The following PIK3R6 variants were observed in gnomAD, a reference collection of about 807,000 sequenced individuals.
PIK3R6 encodes the protein phosphoinositide 3-kinase regulatory subunit 6.
Under a neutral mutation model 84.9 loss-of-function variants are expected in PIK3R6, and 91 were observed. That is an observed-to-expected ratio of 1.07 (90% CI 0.90 to 1.28). The LOEUF (loss-of-function observed/expected upper bound fraction) is 1.28. Ranked by LOEUF, PIK3R6 falls within the 50% of genes most tolerant of loss-of-function variation. The pLI is 0.00. For missense variants in PIK3R6, 996 were observed against 985.1 expected (o/e 1.01, Z -0.15); for synonymous variants, 416 against 411.4 (o/e 1.01, Z -0.13).
chr17:8,864,279 C>T (rs534190997), intron 1 of PIK3R6, among the ~76,000 whole-genome samples: 1 of 152,232 alleles, frequency 6.6e-6, no homozygotes, highest in East Asian at 1.9e-4. Flanking sequence ...GGTTCCTGGG[C>T]TATGATGCAA....
At chr17:8,838,764 C>G (rs1002729924) in intron 3 of PIK3R6, 109 bp from the exon 4 acceptor site, 1 of 1,071,468 alleles carries the variant, frequency 9.3e-7, no homozygotes, top group Admixed American at 2.4e-5. Flanking sequence ...CTCTGACCAG[C>G]CACGGGTGTG....
Position 8,863,565 on chromosome 17 carries a change from C to T in PIK3R6, c.-92+3964G>A, listed in dbSNP as rs142186846. Among the ~76,000 whole-genome samples the T allele has an allele frequency of 6.9e-3, 1,051 of 152,022 alleles. 59 individuals carry two copies. The highest frequency in any genetic ancestry group is 0.064 in the Admixed American group (973 of 15,264). ...TGTGTTTTTTTTTGAGACAGAGTTT[C>T]GCTCTGTCACCTAGGCTGGAGTGCA... On this transcript the variant is annotated intron_variant, in intron 1 of 19. Coordinates refer to ENST00000619866, the MANE Select transcript of PIK3R6 (RefSeq NM_001010855.4).
At chr17:8,815,239 C>A (rs1233454422) in intron 18 of PIK3R6, among the ~76,000 whole-genome samples, 6 of 152,086 alleles carry the variant, frequency 3.9e-5, no homozygotes, top group Admixed American at 1.3e-4. Flanking sequence ...AAAAGTTGAT[C>A]ATTCACTCCT....
rs2087776792 is a variant in PIK3R6 at position 8,822,602 on chromosome 17, G to A, written c.1773C>T (p.Ser591=). 2 of 1,613,886 alleles carry A rather than the reference G, an allele frequency of 1.2e-6. No homozygotes were observed. Among genetic ancestry groups the A allele is most frequent in the Admixed American group, 1.7e-5 (1 of 60,006 alleles). The change falls in exon 16 of 20, where the codon TCC becomes TCT. Residue 591 remains serine, a synonymous_variant. Transcript: ENST00000619866. The part of the protein sequence containing the change: ...GVAEGPGAEL[S]LCYQKALLSH... ...GCACACTGACCTTCTGGTAGCATAG[G>A]GAGAGCTCTGCCCCTGGGCCCTCAG...
In PIK3R6 at chr17:8,838,558, A is replaced by G. The variant is rs144468168; in HGVS notation, c.189+6T>C. On this transcript the variant is annotated splice_donor_region_variant and intron_variant, in intron 4 of 19. Transcript: ENST00000619866. ...CCGTCTTCCTCCCTGAGGTCCAGGA[A>G]CTCACCTTCTCCAGTTCTCTGAGAA... 3.9e-4 allele frequency: 626 copies of G among 1,592,036 alleles called. 2 individuals carry two copies. The African/African-American group carries it at 7.6e-3, about 19-fold the overall frequency.
At chr17:8,838,240 G>A in intron 4 of PIK3R6, 2 of 435,966 alleles carry the variant, frequency 4.6e-6, no homozygotes, top group Non-Finnish European at 8.3e-6. Flanking sequence ...GAATTTAGGT[G>A]GCCCGAGGAT....
In PIK3R6 at chr17:8,848,022, G is replaced by C. The variant is rs532433096; in HGVS notation, c.13+1760C>G. ...AGCTTCAGCCTTGGTGTGGGCACAGGACCAAGCTGCCCAAGGACTGATACT... is the reference window on the plus strand; with the variant it reads ...AGCTTCAGCCTTGGTGTGGGCACAGCACCAAGCTGCCCAAGGACTGATACT... On this transcript the variant is annotated intron_variant, in intron 2 of 19. Transcript: ENST00000619866. 7.2e-5 allele frequency among the ~76,000 whole-genome samples: 11 copies of C among 152,236 alleles called. No homozygotes were observed. In the South Asian group the frequency reaches 2.3e-3, roughly 32 times the overall value.
chr17:8,863,369 T>C (rs2089325750), intron 1 of PIK3R6, among the ~76,000 whole-genome samples: 1 of 152,126 alleles, frequency 6.6e-6, no homozygotes, highest in Non-Finnish European at 1.5e-5. Context: ...GGTGAAAACA[T>C]TTGAAATATT....
In PIK3R6 at chr17:8,813,992, T is replaced by C. The variant is rs112637641; in HGVS notation, c.1995+5091A>G. Among the ~76,000 whole-genome samples, 90 of 152,270 alleles carry C rather than the reference T, an allele frequency of 5.9e-4. 1 individual carries two copies. The highest frequency in any genetic ancestry group is 2.1e-3 in the African/African-American group (87 of 41,548). ...CCCAGCTCCAGAGTGACAGGCATAA[T>C]AAGCAGGCTTACCCACCCCTCATCC... On this transcript the variant is annotated intron_variant, in intron 18 of 19. Coordinates refer to ENST00000619866, the MANE Select transcript of PIK3R6 (RefSeq NM_001010855.4).
intron 1 of PIK3R6, among the ~76,000 whole-genome samples, chr17:8,864,631 G>A (rs1311628592): frequency 6.9e-6 from 1 of 144,384 alleles, no homozygotes; most frequent in Non-Finnish European, 1.5e-5. Flanking sequence ...TCTGCCTACT[G>A]GGTTCAGGTG....
Position 8,828,656 on chromosome 17 carries a change from G to A in PIK3R6, c.1224C>T (p.Pro408=), listed in dbSNP as rs774319119. Residue 408 remains proline, a synonymous_variant, in exon 11 of 20, where the codon CCC becomes CCT. Transcript: ENST00000619866. Reference sequence around the variant, plus strand: ...GGGCTGTGTGCAGCCGGGACACGCCGGGCAGCATTTCCCCATCCCCACTGG... The same window carrying A: ...GGGCTGTGTGCAGCCGGGACACGCCAGGCAGCATTTCCCCATCCCCACTGG... The part of the protein sequence containing the change: ...GRPSGDGEML[P]GVSRLHTARV... 25 of 1,612,924 alleles carry A rather than the reference G, an allele frequency of 1.5e-5. No individual in the cohort carries two copies. The highest frequency in any genetic ancestry group is 1.2e-4 in the African/African-American group (9 of 74,916).
chr17:8,839,744 C>T lies in PIK3R6; in HGVS notation c.14-47G>A, dbSNP rs749721123. On this transcript the variant is annotated intron_variant, in intron 2 of 19. Coordinates refer to ENST00000619866, the MANE Select transcript of PIK3R6 (RefSeq NM_001010855.4). This position sits in a 1 kb window ranked among gnomAD's most constrained non-coding sequence, Gnocchi z 4.2. Reference sequence around the variant, plus strand: ...AGGAAACTCAGTCCACTGAACCTCACCCTCGTCCCACCTCCATTCCTTCCG... The same window carrying T: ...AGGAAACTCAGTCCACTGAACCTCATCCTCGTCCCACCTCCATTCCTTCCG... The T allele has an allele frequency of 1.8e-5, 26 of 1,449,636 alleles. No homozygotes were observed. In the East Asian group the frequency reaches 6.4e-4, roughly 36 times the overall value. The allele number at this position is 1,449,636 out of a possible 1,614,324, so 89.8% of individuals were successfully genotyped here.
chr17:8,822,011 T>A, intron 16 of PIK3R6, 75 bp from the exon 17 acceptor site: 1 of 1,212,602 alleles, frequency 8.2e-7, no homozygotes, highest in South Asian at 1.3e-5. Context: ...ACATCCACAG[T>A]CTTGCCTCTC....
intron 18 of PIK3R6, among the ~76,000 whole-genome samples, chr17:8,810,708 C>A (rs1597376562): frequency 6.7e-6 from 1 of 148,714 alleles, no homozygotes; most frequent in South Asian, 2.3e-4. Flanking sequence ...AAATCTTAAA[C>A]CTCCAAAATG....
intron 1 of PIK3R6, among the ~76,000 whole-genome samples, chr17:8,855,231 C>CAATAA (rs1218233806): frequency 8.3e-5 from 9 of 108,776 alleles, no homozygotes; most frequent in African/African-American, 1.2e-4. Context: ...AACAAAACAA[C>CAATAA]AATAAAATAA....
intron 1 of PIK3R6, among the ~76,000 whole-genome samples, chr17:8,859,683 G>C (rs1236398015): frequency 6.6e-6 from 1 of 152,182 alleles, no homozygotes; most frequent in Non-Finnish European, 1.5e-5. Flanking sequence ...CTTCAGCTGG[G>C]ACATCCATCC....
At chr17:8,822,052 CTTTTTTTT>C in intron 16 of PIK3R6, 116 bp from the exon 17 acceptor site, 5 of 412,202 alleles carry the variant, frequency 1.2e-5, no homozygotes, top group Non-Finnish European at 1.7e-5. Flanking sequence ...CTGTGAGAGT[CTTTTTTTT>C]TTTTTTTTTT....
chr17:8,813,641 A>G (rs112362509), intron 18 of PIK3R6, among the ~76,000 whole-genome samples: 2,219 of 152,340 alleles, frequency 0.015, 56 homozygotes, highest in African/African-American at 0.048. Context: ...ACATAAACAT[A>G]ATTAAAAACA....
Position 8,839,566 on chromosome 17 carries a change from T to G in PIK3R6, c.97+48A>C. On this transcript the variant is annotated intron_variant, in intron 3 of 19. Coordinates refer to ENST00000619866, the MANE Select transcript of PIK3R6 (RefSeq NM_001010855.4). The surrounding 1 kb of genome is among the most constrained non-coding windows in gnomAD (Gnocchi z 4.2). ...TATGCGCGTGTATTGTTGGCTGGGG[T>G]TGGGTGGAGGTCAGAGGGACCAGCT... The G allele has an allele frequency of 1.4e-6, 2 of 1,448,708 alleles. No homozygotes were observed. Among genetic ancestry groups the G allele is most frequent in the Non-Finnish European group, 1.9e-6 (2 of 1,058,250 alleles). The allele number at this position is 1,448,708 out of a possible 1,614,324, so 89.7% of individuals were successfully genotyped here. A position where few individuals can be genotyped will look rare whatever the true frequency, so the allele number is the denominator to read the frequency against.
Sources: gnomAD v4.1 joint callset for allele counts (sites outside exome capture counted in the v4.1 genomes callset) on GRCh38, gnomAD v4.1.1 for gene constraint, Gnocchi (gnomAD v3.1) non-coding constraint, MANE v1.5 for transcripts, NCBI Gene and HGNC (gene_info 2026-07-23, HGNC 2026-07-21) for gene names.